Variants in CHMP7 observed in about 807,000 individuals in gnomAD.
CHMP7 encodes the protein CHMP family, member 7.
A neutral mutation model predicts 53.7 loss-of-function variants in CHMP7; 15 were observed. That is an observed-to-expected ratio of 0.28 (90% CI 0.19 to 0.43). The LOEUF (loss-of-function observed/expected upper bound fraction) is 0.43, where lower values mean the gene tolerates loss of function less well. Ranked by LOEUF, CHMP7 falls within the 20% of genes least tolerant of loss-of-function variation. CHMP7 has a pLI of 1.00. For synonymous variants in CHMP7, 261 were observed against 228.0 expected (o/e 1.14, Z -1.30); for missense variants, 527 against 569.4 (o/e 0.93, Z 0.76).
chr8:23,255,149 C>G (rs3736025), intron 3 of CHMP7, 98 bp from the exon 4 acceptor site: 1 of 1,273,258 alleles, frequency 7.9e-7, no homozygotes, highest in Non-Finnish European at 1.1e-6. Context: ...TTCCCGGGTG[C>G]TTGCCTTGTG....
At position 23,246,443 on chromosome 8, in the gene CHMP7, G is replaced by C. The variant is rs1801684340; in HGVS notation, c.-253G>C. 2 of 537,746 alleles carry C rather than the reference G, an allele frequency of 3.7e-6. No homozygotes were observed. Among genetic ancestry groups the C allele is most frequent in the Non-Finnish European group, 6.6e-6 (2 of 302,776 alleles). 33.3% of individuals were successfully genotyped at this position (537,746 alleles called of 1,614,324 possible). A position where few individuals can be genotyped will look rare whatever the true frequency, so the allele number is the denominator to read the frequency against. On this transcript the variant is annotated 5_prime_UTR_variant, in exon 2 of 11. Transcript: ENST00000397677. The stretch of plus-strand genomic sequence containing the variant: ...GCGCAAGCCTTTCTTTCGGCACAAA[G>C]ACCGTGGGAGGAGGGGTCGGCGCAA...
At chr8:23,245,727 A>C (rs544353576) in intron 1 of CHMP7, among the ~76,000 whole-genome samples, 3 of 152,326 alleles carry the variant, frequency 2.0e-5, no homozygotes, top group South Asian at 4.1e-4. Context: ...ATTTGGTAGA[A>C]CTTATCAAAT....
intron 3 of CHMP7, among the ~76,000 whole-genome samples, chr8:23,254,327 T>C (rs1359499092): frequency 1.3e-5 from 2 of 152,180 alleles, no homozygotes; most frequent in African/African-American, 4.8e-5. Context: ...TTCTTGGAAC[T>C]TATATTTCTT....
intron 7 of CHMP7, 121 bp from the exon 8 acceptor site, chr8:23,258,611 G>A (rs1802234459): frequency 1.7e-6 from 2 of 1,199,286 alleles, no homozygotes; most frequent in Non-Finnish European, 2.4e-6. Context: ...GTGGGTATAG[G>A]GTAAATTGAG....
intron 8 of CHMP7, 26 bp downstream of exon 8, chr8:23,258,856 A>C: frequency 6.7e-7 from 1 of 1,487,212 alleles, no homozygotes. Context: ...AGGGAGGGAC[A>C]CACAGAGAAG....
chr8:23,258,704 T>G (rs750329539), intron 7 of CHMP7, 28 bp from the exon 8 acceptor site: 1 of 1,513,594 alleles, frequency 6.6e-7, no homozygotes, highest in South Asian at 1.1e-5. Flanking sequence ...GTCTGTCATT[T>G]GCACTGATAG....
Position 23,260,748 on chromosome 8 carries a change from G to A in CHMP7, c.*149G>A, listed in dbSNP as rs756843032. ...ATCTGGATGCTACTACTTACTACAG[G>A]ACAGATAGAATTTCTGGAAGCGATG... On this transcript the variant is annotated 3_prime_UTR_variant, in exon 11 of 11. Transcript: ENST00000397677. 5 of 671,368 alleles carry A rather than the reference G, an allele frequency of 7.4e-6. No individual in the cohort carries two copies. Among genetic ancestry groups the A allele is most frequent in the Non-Finnish European group, 1.3e-5 (5 of 381,968 alleles). 41.6% of individuals were successfully genotyped at this position (671,368 alleles called of 1,614,324 possible). A position where few individuals can be genotyped will look rare whatever the true frequency, so the allele number is the denominator to read the frequency against.
chr8:23,249,361 G>A lies in CHMP7; in HGVS notation c.451G>A (p.Val151Ile). 1 of 1,607,178 alleles carries A rather than the reference G, an allele frequency of 6.2e-7. No individual in the cohort carries two copies. Among genetic ancestry groups the A allele is most frequent in the South Asian group, 1.1e-5 (1 of 90,130 alleles). ...DNKVPAEEVL[V>I]AVELLKEKAE... ...TAAGGTTCCAGCTGAGGAGGTCCTT[G>A]TCGCTGTGGAGCTGTTGAAGGTGGG... Residue 151 changes from valine to isoleucine, a missense_variant, in exon 3 of 11, where the codon GTC becomes ATC. Physicochemically the swap from Val to Ile is conservative, Grantham distance 29 (BLOSUM62 3). Transcript: ENST00000397677.
At chr8:23,246,159 T>C (rs1801675106) in intron 1 of CHMP7, 97 bp from the exon 2 acceptor site, 1 of 152,412 alleles carries the variant, frequency 6.6e-6, no homozygotes, top group African/African-American at 2.4e-5. Flanking sequence ...TAATTTGTTC[T>C]TCTTTTATAG....
chr8:23,248,050 G>A (rs779777359), intron 2 of CHMP7: 28 of 455,844 alleles, frequency 6.1e-5, no homozygotes, highest in South Asian at 1.7e-4. Flanking sequence ...GCACTCAAGC[G>A]ATCCTCCCAC....
chr8:23,244,338 C>T (rs1418335666), intron 1 of CHMP7, among the ~76,000 whole-genome samples: 2 of 152,010 alleles, frequency 1.3e-5, no homozygotes, highest in East Asian at 3.8e-4. Flanking sequence ...AAGATCTGTA[C>T]CTGGATTTGT....
chr8:23,260,752 GAT>G lies in CHMP7; in HGVS notation c.*155_*156del. On this transcript the variant is annotated 3_prime_UTR_variant, in exon 11 of 11. Coordinates refer to ENST00000397677, the MANE Select transcript of CHMP7 (RefSeq NM_152272.5). The stretch of plus-strand genomic sequence containing the variant: ...GGATGCTACTACTTACTACAGGACA[GAT>G]AGAATTTCTGGAAGCGATGCTCCAA... 1 of 663,880 alleles carries G rather than the reference GAT, an allele frequency of 1.5e-6. No individual in the cohort carries two copies. The highest frequency in any genetic ancestry group is 1.8e-5 in the South Asian group (1 of 55,362). 41.1% of individuals were successfully genotyped at this position (663,880 alleles called of 1,614,324 possible). A position where few individuals can be genotyped will look rare whatever the true frequency, so the allele number is the denominator to read the frequency against.
At position 23,246,815 on chromosome 8, in the gene CHMP7, G is replaced by T; in HGVS notation, c.120G>T (p.Arg40Ser). 6.3e-7 allele frequency: 1 copy of T among 1,596,882 alleles called. No individual in the cohort carries two copies. The highest frequency in any genetic ancestry group is 8.5e-7 in the Non-Finnish European group (1 of 1,172,130). Residue 40 changes from arginine (R) to serine (S), a missense_variant, in exon 2 of 11, where the codon AGG becomes AGT. By Grantham distance (110) the Arg-to-Ser change is moderately radical. Transcript: ENST00000397677. ...CCTTCCTGTTCTCCGCTTTCAAGAG[G>T]AGTCGCGAGGTGAACAGCACCGACT... ...RMSFLFSAFK[R>S]SREVNSTDWD... is the part of the protein sequence containing the mutation.
intron 3 of CHMP7, among the ~76,000 whole-genome samples, chr8:23,250,619 CCTGTGTGTGT>C (rs1801885884): frequency 8.9e-6 from 1 of 111,788 alleles, no homozygotes; most frequent in African/African-American, 3.5e-5. Context: ...GTGATAGGGG[CCTGTGTGTGT>C]GTGTGTGTGT....
In CHMP7 at chr8:23,250,014, C is replaced by T. The variant is rs116505823; in HGVS notation, c.471+633C>T. On this transcript the variant is annotated intron_variant, in intron 3 of 10. Coordinates refer to ENST00000397677, the MANE Select transcript of CHMP7 (RefSeq NM_152272.5). ...CACACCAGGAGACTCCCAGCAGATC[C>T]GTAGCCCTCGATCAGCCACATGGGG... Among the ~76,000 whole-genome samples the T allele has an allele frequency of 6.0e-3, 910 of 152,284 alleles. 12 individuals are homozygous for T. The highest frequency in any genetic ancestry group is 0.021 in the African/African-American group (852 of 41,550).
In CHMP7 at chr8:23,255,260, A is replaced by G; in HGVS notation, c.485A>G (p.Glu162Gly). The change falls in exon 4 of 11, where the codon GAG (glutamate) becomes GGG (glycine). Residue 162 changes from glutamate (E) to glycine (G), a missense_variant. Glu to Gly is a moderately conservative substitution (Grantham distance 98). Transcript: ENST00000397677. ...AVELLKEKAEEVYRLYQNSPL... is the reference protein window; with the variant it reads ...AVELLKEKAEGVYRLYQNSPL... ...CCTTTCCCACAGGAAAAGGCTGAGG[A>G]GGTGTATCGTCTGTATCAGAACTCG... is the stretch of plus-strand genomic sequence containing the variant. 2 of 1,613,984 alleles carry G rather than the reference A, an allele frequency of 1.2e-6. No homozygotes were observed. The highest frequency in any genetic ancestry group is 1.7e-6 in the Non-Finnish European group (2 of 1,180,006).
intron 3 of CHMP7, among the ~76,000 whole-genome samples, chr8:23,250,055 G>A (rs77265902): frequency 0.02 from 3,003 of 152,276 alleles, 38 homozygotes; most frequent in Non-Finnish European, 0.024. Context: ...CACCCCTGCT[G>A]GAGAAAATCG....
chr8:23,255,132 G>A, intron 3 of CHMP7, 115 bp from the exon 4 acceptor site: 16 of 1,028,172 alleles, frequency 1.6e-5, no homozygotes. Flanking sequence ...GGAGGATGGG[G>A]TTGGGATTCC....
chr8:23,248,045 C>G (rs771884411), intron 2 of CHMP7: 66 of 456,020 alleles, frequency 1.4e-4, no homozygotes, highest in Non-Finnish European at 6.6e-5. Context: ...CTCCTGCACT[C>G]AAGCGATCCT....
Sources: allele counts gnomAD v4.1 joint callset (sites outside exome capture counted in the v4.1 genomes callset), GRCh38; gene constraint gnomAD v4.1.1; transcripts MANE v1.5; gene names NCBI Gene and HGNC (gene_info 2026-07-23, HGNC 2026-07-21).